Variants in GPR137C observed in about 807,000 individuals in gnomAD.
The protein encoded by GPR137C is G protein-coupled receptor 137C, also known as integral membrane protein GPR137C.
GPR137C carries 27 observed loss-of-function variants against 43.4 expected under a neutral mutation model. That is an observed-to-expected ratio of 0.62 (90% confidence interval 0.46 to 0.86). GPR137C has a LOEUF of 0.86. GPR137C is among the 40% of genes least tolerant of loss of function. The pLI is 0.00. For missense variants in GPR137C, 522 were observed against 534.6 expected, an observed-to-expected ratio of 0.98 and a Z score of 0.23; for synonymous variants, 285 against 226.9, an observed-to-expected ratio of 1.26 and a Z score of -2.30.
In GPR137C at chr14:52,553,429, G is replaced by A. The variant is rs1256524610; in HGVS notation, c.282G>A (p.Ala94=). The change falls in exon 1 of 7, where the codon GCG becomes GCA. Residue 94 remains alanine (A), a synonymous_variant. Transcript: ENST00000321662. Reference sequence around the variant, plus strand: ...TCTTCCTCTGTCTCCTGTGGGCAGCGCTCAGGACCACCCTCTTCTCCGCCG... The same window carrying A: ...TCTTCCTCTGTCTCCTGTGGGCAGCACTCAGGACCACCCTCTTCTCCGCCG... ...LCLFLCLLWA[A]LRTTLFSAAF... is the part of the protein sequence containing the mutation. The A allele has an allele frequency of 6.2e-7, 1 of 1,608,990 alleles. No homozygotes were observed. Among genetic ancestry groups the A allele is most frequent in the South Asian group, 1.1e-5 (1 of 91,080 alleles).
At chr14:52,554,574 GA>G (rs2038164047) in intron 1 of GPR137C, among the ~76,000 whole-genome samples, 1 of 152,062 alleles carries the variant, frequency 6.6e-6, no homozygotes, top group Non-Finnish European at 1.5e-5. Flanking sequence ...CCCACCAAAA[GA>G]AAAGCTTGAG....
chr14:52,628,349 T>C (rs1196820629), intron 3 of GPR137C, among the ~76,000 whole-genome samples: 2 of 152,088 alleles, frequency 1.3e-5, no homozygotes, highest in East Asian at 3.9e-4. Context: ...TACACAAAAA[T>C]TAATTCAAAA....
At chr14:52,629,520 C>T (rs1042731791) in intron 3 of GPR137C, among the ~76,000 whole-genome samples, 2 of 152,194 alleles carry the variant, frequency 1.3e-5, no homozygotes, top group African/African-American at 4.8e-5. Context: ...AAACAACTAA[C>T]TCCTGATAGA....
intron 1 of GPR137C, among the ~76,000 whole-genome samples, chr14:52,572,297 A>C (rs2038483649): frequency 6.6e-6 from 1 of 152,238 alleles, no homozygotes; most frequent in Non-Finnish European, 1.5e-5. Flanking sequence ...ACAACAAAAA[A>C]GGAAAATTTC....
At chr14:52,630,302 T>C (rs2039279711) in intron 3 of GPR137C, among the ~76,000 whole-genome samples, 1 of 152,198 alleles carries the variant, frequency 6.6e-6, no homozygotes, top group South Asian at 2.1e-4. Context: ...AGTTGTCATA[T>C]TTCCCAAAGC....
intron 1 of GPR137C, among the ~76,000 whole-genome samples, chr14:52,598,053 A>T (rs1390631834): frequency 6.6e-6 from 1 of 152,192 alleles, no homozygotes; most frequent in African/African-American, 2.4e-5. Context: ...TTAAAGATAG[A>T]AATGTAGGTT....
intron 1 of GPR137C, among the ~76,000 whole-genome samples, chr14:52,585,526 C>G (rs1258160326): frequency 6.6e-6 from 1 of 152,210 alleles, no homozygotes; most frequent in Non-Finnish European, 1.5e-5. Flanking sequence ...GATTAGCCTG[C>G]TGTTGTTTTA....
chr14:52,557,799 ATTG>A (rs2038217240), intron 1 of GPR137C, among the ~76,000 whole-genome samples: 1 of 152,212 alleles, frequency 6.6e-6, no homozygotes, highest in Non-Finnish European at 1.5e-5. Flanking sequence ...TTGTGATACT[ATTG>A]TATAGCTCAG....
chr14:52,568,322 T>A (rs971076502), intron 1 of GPR137C, among the ~76,000 whole-genome samples: 1 of 152,118 alleles, frequency 6.6e-6, no homozygotes, highest in Non-Finnish European at 1.5e-5. Context: ...ACCAGGAGAT[T>A]CCCTTGGGTG....
chr14:52,596,479 C>T (rs2038857097), intron 1 of GPR137C, among the ~76,000 whole-genome samples: 2 of 152,240 alleles, frequency 1.3e-5, no homozygotes, highest in African/African-American at 4.8e-5. Flanking sequence ...GGGCTCTGCC[C>T]AGTTCGAGCT....
At chr14:52,619,778 TTAGCAG>T (rs2039139321) in intron 3 of GPR137C, among the ~76,000 whole-genome samples, 1 of 152,162 alleles carries the variant, frequency 6.6e-6, no homozygotes, top group African/African-American at 2.4e-5. Flanking sequence ...TCATTGTGAC[TTAGCAG>T]CATGAAACTG....
In GPR137C at chr14:52,635,060, G is replaced by T; in HGVS notation, c.1235G>T (p.Cys412Phe). 6.2e-7 allele frequency: 1 copy of T among 1,605,694 alleles called. No homozygotes were observed. The highest frequency in any genetic ancestry group is 2.2e-5 in the East Asian group (1 of 44,586). ...GATACTGCTCCTTTGCTCTTTACTT[G>T]TAGTAATTTAGATTTGAACAATCAT... is the stretch of plus-strand genomic sequence containing the variant. ...MTDTAPLLFT[C>F]SNLDLNNHHS... The change falls in exon 7 of 7, where the codon TGT (cysteine) becomes TTT (phenylalanine). Residue 412 changes from cysteine to phenylalanine, a missense_variant. Coordinates refer to ENST00000321662, the MANE Select transcript of GPR137C (RefSeq NM_001099652.2).
chr14:52,597,277 G>T (rs2038868241), intron 1 of GPR137C, among the ~76,000 whole-genome samples: 1 of 152,062 alleles, frequency 6.6e-6, no homozygotes, highest in Non-Finnish European at 1.5e-5. Flanking sequence ...AAAATAGATG[G>T]TTTTTCTGTT....
rs889139536 is a variant in GPR137C at position 52,637,607 on chromosome 14, C to A, written c.*2492C>A. On this transcript the variant is annotated 3_prime_UTR_variant, in exon 7 of 7. Transcript: ENST00000321662. ...TGTTTCTCAGCTATATAATCAGTTTCAAACTGGTTGTAAAAGTATAGCTGT... is the reference window on the plus strand; with the variant it reads ...TGTTTCTCAGCTATATAATCAGTTTAAAACTGGTTGTAAAAGTATAGCTGT... 4.6e-5 allele frequency: 7 copies of A among 152,056 alleles called. No homozygotes were observed. Among genetic ancestry groups the A allele is most frequent in the African/African-American group, 1.7e-4 (7 of 41,418 alleles). 9.4% of individuals were successfully genotyped at this position (152,056 alleles called of 1,614,324 possible).
At chr14:52,596,119 G>C (rs2038851391) in intron 1 of GPR137C, among the ~76,000 whole-genome samples, 1 of 152,196 alleles carries the variant, frequency 6.6e-6, no homozygotes, top group Non-Finnish European at 1.5e-5. Flanking sequence ...GTCCACTTCA[G>C]AACCTATTTG....
intron 3 of GPR137C, among the ~76,000 whole-genome samples, chr14:52,628,453 GTA>G (rs955088515): frequency 6.6e-6 from 1 of 152,008 alleles, no homozygotes; most frequent in African/African-American, 2.4e-5. Context: ...GCAATAAAAA[GTA>G]ACCATGAAAA....
intron 1 of GPR137C, among the ~76,000 whole-genome samples, chr14:52,568,155 G>A (rs542447125): frequency 6.6e-6 from 1 of 152,286 alleles, no homozygotes; most frequent in South Asian, 2.1e-4. Flanking sequence ...CATGGAGGGT[G>A]AGCAGAAGCA....
At chr14:52,604,168 T>C (rs1247113530) in intron 3 of GPR137C, among the ~76,000 whole-genome samples, 1 of 152,216 alleles carries the variant, frequency 6.6e-6, no homozygotes, top group African/African-American at 2.4e-5. Context: ...TAATCCCTTG[T>C]TGAATGGATA....
At chr14:52,590,557 A>G (rs1030263338) in intron 1 of GPR137C, among the ~76,000 whole-genome samples, 2 of 152,186 alleles carry the variant, frequency 1.3e-5, no homozygotes, top group African/African-American at 4.8e-5. Flanking sequence ...TGTAAGCTGC[A>G]TTCATATTAA....
Sources: allele counts gnomAD v4.1 joint callset (sites outside exome capture counted in the v4.1 genomes callset), GRCh38; gene constraint gnomAD v4.1.1; transcripts MANE v1.5; gene names NCBI Gene and HGNC (gene_info 2026-07-23, HGNC 2026-07-21).